The following LARGE1 variants were observed in gnomAD, a reference collection of about 807,000 sequenced individuals.
LARGE1 encodes the protein LARGE xylosyl- and glucuronyltransferase 1, also known as xylosyl- and glucuronyltransferase LARGE1.
Under a neutral mutation model 87.6 loss-of-function variants are expected in LARGE1, and 43 were observed. That is an observed-to-expected ratio of 0.49 (90% confidence interval 0.38 to 0.63). The LOEUF (loss-of-function observed/expected upper bound fraction) is 0.63, where lower values mean the gene tolerates loss of function less well. Among genes scored for constraint, LARGE1 ranks in the 30% least tolerant of loss-of-function variants. The probability of loss-of-function intolerance (pLI) is 0.00; values close to 1 mark genes in which losing one functional copy is unlikely to be tolerated. For synonymous variants in LARGE1, 434 were observed against 394.6 expected (o/e 1.10, Z -1.18); for missense variants, 802 against 1,000.2 (o/e 0.80, Z 2.67).
chr22:33,875,869 G>A (rs960234297), intron 1 of LARGE1, among the ~76,000 whole-genome samples: 1 of 152,118 alleles, frequency 6.6e-6, no homozygotes, highest in Non-Finnish European at 1.5e-5. Flanking sequence ...ACTTCTGGTA[G>A]GTGAGGTGCA....
At chr22:33,313,939 A>G (rs1935875743) in intron 11 of LARGE1, among the ~76,000 whole-genome samples, 1 of 152,242 alleles carries the variant, frequency 6.6e-6, no homozygotes, top group Non-Finnish European at 1.5e-5. Flanking sequence ...ACCTAACAAC[A>G]GAAAACGAAT....
At chr22:33,515,354 TC>T (rs1410824357) in intron 6 of LARGE1, among the ~76,000 whole-genome samples, 1 of 152,050 alleles carries the variant, frequency 6.6e-6, no homozygotes, top group African/African-American at 2.4e-5. Flanking sequence ...GAGCAGCAAA[TC>T]TATCCATGAC....
intron 5 of LARGE1, among the ~76,000 whole-genome samples, chr22:33,571,614 C>A (rs2078206912): frequency 6.6e-6 from 1 of 152,114 alleles, no homozygotes; most frequent in Non-Finnish European, 1.5e-5. Context: ...ATTGAGATAC[C>A]CCAGTAAAGA....
At chr22:33,183,620 G>GCACGCACACACA (rs1555880674) in intron 11 of LARGE1, among the ~76,000 whole-genome samples, 14 of 137,918 alleles carry the variant, frequency 1.0e-4, no homozygotes, top group African/African-American at 4.1e-4. Flanking sequence ...ACACACACAC[G>GCACGCACACACA]CACACACACA....
intron 11 of LARGE1, among the ~76,000 whole-genome samples, chr22:33,310,444 AG>A (rs1273144809): frequency 1.3e-5 from 2 of 151,756 alleles, no homozygotes; most frequent in Non-Finnish European, 2.9e-5. Flanking sequence ...CTGGGATGGG[AG>A]GGAAGGGTGC....
intron 1 of LARGE1, among the ~76,000 whole-genome samples, chr22:33,773,282 T>C (rs192281989): frequency 6.4e-4 from 98 of 152,340 alleles, no homozygotes; most frequent in African/African-American, 2.3e-3. Flanking sequence ...ATTCATCATG[T>C]GAACTCTAAT....
intron 6 of LARGE1, among the ~76,000 whole-genome samples, chr22:33,562,097 C>A (rs928079710): frequency 2.0e-5 from 3 of 152,248 alleles, no homozygotes; most frequent in African/African-American, 7.2e-5. Context: ...AGGACACTCT[C>A]TCTTGGATCA....
At chr22:33,170,024 A>G (rs76013130) in intron 11 of LARGE1, among the ~76,000 whole-genome samples, 12 of 152,104 alleles carry the variant, frequency 7.9e-5, no homozygotes, top group Non-Finnish European at 1.5e-5. Flanking sequence ...AAGCTCCAAC[A>G]TGATGGTATT....
intron 1 of LARGE1, among the ~76,000 whole-genome samples, chr22:33,837,842 G>A (rs996618221): frequency 6.6e-6 from 1 of 152,198 alleles, no homozygotes; most frequent in Non-Finnish European, 1.5e-5. Context: ...CCAGTACACT[G>A]AACAAACATT....
At chr22:33,103,204 C>T in the LARGE1 span, among the ~76,000 whole-genome samples, 14 of 151,912 alleles carry the variant, frequency 9.2e-5, no homozygotes, top group Non-Finnish European at 1.6e-4. Context: ...GAGGCCGAGA[C>T]GGGCGGATCC....
intron 2 of LARGE1, among the ~76,000 whole-genome samples, chr22:33,680,694 C>T (rs1236788380): frequency 1.3e-5 from 2 of 152,010 alleles, no homozygotes; most frequent in African/African-American, 2.4e-5. Context: ...ATTATTCCTG[C>T]GTCTAACAAA....
chr22:33,262,545 C>T (rs908854611), intron 11 of LARGE1, among the ~76,000 whole-genome samples: 1 of 152,126 alleles, frequency 6.6e-6, no homozygotes, highest in Non-Finnish European at 1.5e-5. Context: ...GTTTCCTCTG[C>T]TGGAAGATCT....
chr22:33,654,454 T>C (rs2080905343), intron 2 of LARGE1, among the ~76,000 whole-genome samples: 1 of 152,234 alleles, frequency 6.6e-6, no homozygotes, highest in African/African-American at 2.4e-5. Flanking sequence ...CAACACCGCA[T>C]GATCAGAAGT....
chr22:33,695,693 A>G (rs190160285), intron 2 of LARGE1, among the ~76,000 whole-genome samples: 5 of 152,344 alleles, frequency 3.3e-5, no homozygotes, highest in Admixed American at 2.0e-4. Flanking sequence ...TTTAATATGT[A>G]TATCATTAAC....
At chr22:33,808,735 T>C (rs1425326449) in intron 1 of LARGE1, among the ~76,000 whole-genome samples, 1 of 152,226 alleles carries the variant, frequency 6.6e-6, no homozygotes, top group Non-Finnish European at 1.5e-5. Flanking sequence ...CAGTGTTTCA[T>C]GCAAAGTCTA....
At chr22:33,331,554 T>C (rs1937706706) in intron 10 of LARGE1, among the ~76,000 whole-genome samples, 1 of 151,968 alleles carries the variant, frequency 6.6e-6, no homozygotes, top group African/African-American at 2.4e-5. Context: ...ATTACAGACA[T>C]GTGCCACCAT....
chr22:33,272,255 T>C (rs1419184231), downstream of LARGE1, among the ~76,000 whole-genome samples: 1 of 152,232 alleles, frequency 6.6e-6, no homozygotes, highest in East Asian at 1.9e-4. Context: ...CTCCTAACAG[T>C]GGTCCTCTCT....
chr22:33,731,054 G>A (rs998525117), intron 2 of LARGE1, among the ~76,000 whole-genome samples: 11 of 148,712 alleles, frequency 7.4e-5, no homozygotes, highest in Admixed American at 2.7e-4. Flanking sequence ...CCAGGCTGGA[G>A]TGCAGTGGTG....
At chr22:33,079,774 G>T in the LARGE1 span, among the ~76,000 whole-genome samples, 1 of 152,084 alleles carries the variant, frequency 6.6e-6, no homozygotes, top group African/African-American at 2.4e-5. Flanking sequence ...GTGCTGCTTG[G>T]AACTTTCCCC....
Sources: gnomAD v4.1 joint callset for allele counts (sites outside exome capture counted in the v4.1 genomes callset) on GRCh38, gnomAD v4.1.1 for gene constraint, MANE v1.5 for transcripts, NCBI Gene and HGNC (gene_info 2026-07-23, HGNC 2026-07-21) for gene names.